RBM19: variants seen among roughly 807,000 people sequenced by gnomAD.
RBM19 encodes probable RNA-binding protein 19.
Under a neutral mutation model 116.8 loss-of-function variants are expected in RBM19, and 94 were observed. That is an observed-to-expected ratio of 0.80 (90% CI 0.68 to 0.95). The LOEUF is 0.95. Ranked by LOEUF, RBM19 falls within the 40% of genes least tolerant of loss-of-function variation. RBM19 has a pLI of 0.00. For synonymous variants in RBM19, 475 were observed against 494.1 expected (o/e 0.96, Z 0.51); for missense variants, 1,161 against 1,220.7 (o/e 0.95, Z 0.73).
intron 1 of RBM19, among the ~76,000 whole-genome samples, chr12:113,964,522 C>T (rs1257130941): frequency 1.3e-5 from 2 of 152,152 alleles, no homozygotes; most frequent in African/African-American, 2.4e-5. Context: ...AGTGCAGCCA[C>T]GCTAAAAATC....
chr12:113,845,145 G>A (rs1049030832), intron 22 of RBM19, among the ~76,000 whole-genome samples: 11 of 152,194 alleles, frequency 7.2e-5, no homozygotes, highest in Admixed American at 2.6e-4. Context: ...GGCCACTTGA[G>A]AAAGCCGAGC....
chr12:113,883,926 A>G (rs34475685), intron 21 of RBM19, among the ~76,000 whole-genome samples: 24 of 152,316 alleles, frequency 1.6e-4, no homozygotes, highest in Non-Finnish European at 3.4e-4. Flanking sequence ...TGATTTTAAT[A>G]CAGATACAGA....
In RBM19 at chr12:113,966,301, T is replaced by A; in HGVS notation, c.-74A>T. The A allele has an allele frequency of 6.3e-7, 1 of 1,593,714 alleles. No individual in the cohort carries two copies. Among genetic ancestry groups the A allele is most frequent in the Non-Finnish European group, 8.6e-7 (1 of 1,161,650 alleles). On this transcript the variant is annotated 5_prime_UTR_variant, in exon 1 of 24. Coordinates refer to ENST00000261741, the MANE Select transcript of RBM19 (RefSeq NM_016196.4). ...TCCACCAAGTTTCACGCTACCGCCCTGGGCGCCGCCATCTTTACCGAGCCG... is the reference window on the plus strand; with the variant it reads ...TCCACCAAGTTTCACGCTACCGCCCAGGGCGCCGCCATCTTTACCGAGCCG...
At chr12:113,929,903 A>G (rs764343026) in intron 16 of RBM19, among the ~76,000 whole-genome samples, 1 of 152,208 alleles carries the variant, frequency 6.6e-6, no homozygotes, top group African/African-American at 2.4e-5. Flanking sequence ...AGACTGGAAA[A>G]AAATTTTATA....
At position 113,960,107 on chromosome 12, in the gene RBM19, G is replaced by C. The variant is rs1338347152; in HGVS notation, c.291C>G (p.Ser97Arg). ...AGTCTTTTGGAGGCTGCTTGGGCTG[G>C]CTTGGTTTCTGGGCATGTTTGCTCC... is the stretch of plus-strand genomic sequence containing the variant. ...RAWSKHAQKP[S>R]QPKQPPKDST... The change falls in exon 3 of 24, where the codon AGC becomes AGG. Residue 97 changes from serine (S) to arginine (R), a missense_variant. Physicochemically the swap from Ser to Arg is moderately radical, Grantham distance 110. Transcript: ENST00000261741. 3 of 1,614,198 alleles carry C rather than the reference G, an allele frequency of 1.9e-6. No individual in the cohort carries two copies. The highest frequency in any genetic ancestry group is 3.3e-5 in the Admixed American group (2 of 60,032).
At chr12:113,927,801 T>C (rs1869240807) in intron 16 of RBM19, among the ~76,000 whole-genome samples, 2 of 152,166 alleles carry the variant, frequency 1.3e-5, no homozygotes, top group African/African-American at 2.4e-5. Context: ...GTTTTGTCTA[T>C]ACATATTAAA....
intron 16 of RBM19, among the ~76,000 whole-genome samples, chr12:113,935,869 AC>A (rs1247296777): frequency 6.6e-6 from 1 of 152,048 alleles, no homozygotes; most frequent in Non-Finnish European, 1.5e-5. Context: ...CCCCGTCTCT[AC>A]CAAAAATACA....
At chr12:113,927,600 A>AC (rs1298449331) in intron 16 of RBM19, among the ~76,000 whole-genome samples, 1 of 99,716 alleles carries the variant, frequency 1.0e-5, no homozygotes, top group Non-Finnish European at 2.3e-5. Flanking sequence ...ACAAAAAAAA[A>AC]AAAACAAAAA....
chr12:113,944,589 G>C (rs570907050), intron 13 of RBM19, among the ~76,000 whole-genome samples: 118 of 152,178 alleles, frequency 7.8e-4, no homozygotes, highest in Non-Finnish European at 1.4e-3. Flanking sequence ...CTTGAGCCTA[G>C]AAGTTTGAGA....
intron 21 of RBM19, among the ~76,000 whole-genome samples, chr12:113,867,649 G>A (rs1398209876): frequency 2.0e-5 from 3 of 152,150 alleles, no homozygotes; most frequent in Admixed American, 6.5e-5. Flanking sequence ...GGCCAGCTAC[G>A]GTGGCTCACA....
chr12:113,892,462 G>A (rs143556675), intron 21 of RBM19, among the ~76,000 whole-genome samples: 198 of 152,292 alleles, frequency 1.3e-3, no homozygotes, highest in African/African-American at 4.5e-3. Context: ...AATGAGATTC[G>A]TTTTATAATC....
chr12:113,952,422 G>A, intron 8 of RBM19, 90 bp downstream of exon 8: 2 of 1,178,586 alleles, frequency 1.7e-6, no homozygotes, highest in Non-Finnish European at 2.5e-6. Flanking sequence ...AAAAACGGGT[G>A]CCCTTAAAAC....
chr12:113,914,927 C>T (rs368159354), intron 21 of RBM19, 42 bp downstream of exon 21: 25 of 1,547,206 alleles, frequency 1.6e-5, no homozygotes, highest in East Asian at 2.2e-5. Context: ...GCAGGCTCCC[C>T]GCCCACACGC....
intron 21 of RBM19, among the ~76,000 whole-genome samples, chr12:113,904,474 C>T (rs1186899292): frequency 2.0e-5 from 3 of 152,124 alleles, no homozygotes; most frequent in Admixed American, 6.5e-5. Context: ...GGCTTCTTGG[C>T]GGGGGAATGA....
intron 20 of RBM19, among the ~76,000 whole-genome samples, chr12:113,916,290 C>A (rs1882767529): frequency 6.6e-6 from 1 of 152,092 alleles, no homozygotes; most frequent in Non-Finnish European, 1.5e-5. Context: ...GCCTGTAATC[C>A]CAGTTACTTG....
chr12:113,853,482 G>A (rs1005363787), intron 22 of RBM19, among the ~76,000 whole-genome samples: 4 of 152,232 alleles, frequency 2.6e-5, no homozygotes, highest in Non-Finnish European at 4.4e-5. Context: ...GCCTGGGGAA[G>A]GGAAAAATTA....
At chr12:113,850,465 T>G (rs926006533) in intron 22 of RBM19, among the ~76,000 whole-genome samples, 1 of 152,218 alleles carries the variant, frequency 6.6e-6, no homozygotes, top group Admixed American at 6.5e-5. Flanking sequence ...TTTTCTGAAT[T>G]CCCTTAGAAG....
rs5801011 is a variant in RBM19 at position 113,879,431 on chromosome 12, T to TTATATATATATATATATATATA, written c.2559-20536_2559-20535insTATATATATATATATATATATA. On this transcript the variant is annotated intron_variant, in intron 21 of 23. Coordinates refer to ENST00000261741, the MANE Select transcript of RBM19 (RefSeq NM_016196.4). ...CTGTAAAAATGATCATACATACATTTTATATATATATATATATATGGACTT... is the reference window on the plus strand; with the variant it reads ...CTGTAAAAATGATCATACATACATTTTATATATATATATATATATATATATATATATATATATATATGGACTT... Among the ~76,000 whole-genome samples, 412 of 132,494 alleles carry TTATATATATATATATATATATA rather than the reference T, an allele frequency of 3.1e-3. 7 individuals are homozygous for TTATATATATATATATATATATA. Among genetic ancestry groups the TTATATATATATATATATATATA allele is most frequent in the East Asian group, 0.018 (48 of 2,688 alleles). 86.9% of individuals were successfully genotyped at this position (132,494 alleles called of 152,430 possible).
intron 21 of RBM19, 62 bp from the exon 22 acceptor site, chr12:113,858,958 G>A (rs1286159175): frequency 6.9e-6 from 10 of 1,452,444 alleles, no homozygotes; most frequent in South Asian, 1.2e-5. Flanking sequence ...AGGTCGGGAA[G>A]GCAGGACTGA....
Sources: gnomAD v4.1 joint callset for allele counts (sites outside exome capture counted in the v4.1 genomes callset) on GRCh38, gnomAD v4.1.1 for gene constraint, MANE v1.5 for transcripts, NCBI Gene and HGNC (gene_info 2026-07-23, HGNC 2026-07-21) for gene names.